NRXN1: variants seen among roughly 807,000 people sequenced by gnomAD.
The protein encoded by NRXN1 is neurexin-1.
A neutral mutation model predicts 150.9 loss-of-function variants in NRXN1; 39 were observed. The observed-to-expected ratio is 0.26, with a 90% CI of 0.20 to 0.34. The LOEUF (loss-of-function observed/expected upper bound fraction) is 0.34, where lower values mean the gene tolerates loss of function less well. NRXN1 is among the 10% of genes least tolerant of loss of function. NRXN1 has a pLI of 1.00. For missense variants in NRXN1, 1,815 were observed against 1,949.9 expected, an observed-to-expected ratio of 0.93 and a Z score of 1.30; for synonymous variants, 924 against 757.0, an observed-to-expected ratio of 1.22 and a Z score of -3.62.
intron 14 of NRXN1, 54 bp downstream of exon 14, chr2:50,497,279 A>G (rs1328167368): frequency 2.9e-6 from 4 of 1,379,710 alleles, no homozygotes; most frequent in Admixed American, 2.5e-5. Flanking sequence ...TTGGAAATTG[A>G]CGTCCATTTT....
intron 19 of NRXN1, among the ~76,000 whole-genome samples, chr2:50,069,166 A>G (rs1695824335): frequency 6.6e-6 from 1 of 152,222 alleles, no homozygotes; most frequent in African/African-American, 2.4e-5. Flanking sequence ...TCTTAAAATG[A>G]CATTTTAATC....
At chr2:50,274,774 T>C (rs1343659623) in intron 17 of NRXN1, among the ~76,000 whole-genome samples, 37 of 151,296 alleles carry the variant, frequency 2.4e-4, no homozygotes, top group Non-Finnish European at 7.4e-5. Context: ...AAAATGCCTT[T>C]CAACTACTTA....
chr2:49,947,676 T>C (rs1200814221), intron 21 of NRXN1, among the ~76,000 whole-genome samples: 1 of 151,786 alleles, frequency 6.6e-6, no homozygotes, highest in African/African-American at 2.4e-5. Flanking sequence ...TATTATAAAA[T>C]ACACATGACA....
At chr2:50,315,672 A>G (rs2075542061) in intron 17 of NRXN1, among the ~76,000 whole-genome samples, 3 of 152,132 alleles carry the variant, frequency 2.0e-5, no homozygotes, top group Admixed American at 2.0e-4. Flanking sequence ...TAAGTTTCTC[A>G]TAGAATTAAT....
At chr2:50,048,766 A>G (rs558898069) in intron 21 of NRXN1, among the ~76,000 whole-genome samples, 1 of 152,292 alleles carries the variant, frequency 6.6e-6, no homozygotes, top group Non-Finnish European at 1.5e-5. Context: ...TGAACTCTCA[A>G]TAGTTCCTTT....
chr2:50,841,453 A>C (rs1202285628), intron 5 of NRXN1, among the ~76,000 whole-genome samples: 1 of 152,192 alleles, frequency 6.6e-6, no homozygotes, highest in Non-Finnish European at 1.5e-5. Context: ...GAATCCAGAC[A>C]AGCAAAGGCC....
At chr2:50,072,359 G>A (rs954077606) in intron 19 of NRXN1, among the ~76,000 whole-genome samples, 3 of 151,896 alleles carry the variant, frequency 2.0e-5, no homozygotes, top group Admixed American at 6.6e-5. Flanking sequence ...GATTACATGC[G>A]GTGACATTGT....
chr2:50,018,077 G>A (rs1686943697), intron 21 of NRXN1, among the ~76,000 whole-genome samples: 1 of 152,086 alleles, frequency 6.6e-6, no homozygotes, highest in East Asian at 1.9e-4. Flanking sequence ...CCCTGGTGTA[G>A]GGAGGCATCC....
At chr2:50,282,962 G>A (rs1323573612) in intron 17 of NRXN1, among the ~76,000 whole-genome samples, 1 of 152,086 alleles carries the variant, frequency 6.6e-6, no homozygotes, top group Non-Finnish European at 1.5e-5. Context: ...TTTTACCATG[G>A]ATACTTGCTT....
At chr2:50,418,445 T>G (rs1161368264) in intron 17 of NRXN1, among the ~76,000 whole-genome samples, 1 of 152,074 alleles carries the variant, frequency 6.6e-6, no homozygotes, top group African/African-American at 2.4e-5. Flanking sequence ...ATCTAACAAT[T>G]GTAAAATCTC....
intron 5 of NRXN1, chr2:50,919,804 A>C (rs770169233): frequency 1.2e-5 from 2 of 160,834 alleles, no homozygotes; most frequent in Non-Finnish European, 2.8e-5. Context: ...GGATATTCAC[A>C]TAAGACAGAC....
At chr2:49,969,420 A>G (rs957758204) in intron 21 of NRXN1, among the ~76,000 whole-genome samples, 5 of 152,096 alleles carry the variant, frequency 3.3e-5, no homozygotes, top group African/African-American at 7.2e-5. Context: ...AAGGCTGTAC[A>G]TATGCAACTT....
chr2:50,833,501 T>G (rs1055618429), intron 5 of NRXN1, among the ~76,000 whole-genome samples: 8 of 152,206 alleles, frequency 5.3e-5, no homozygotes, highest in Non-Finnish European at 7.3e-5. Flanking sequence ...CAGAGAGAAC[T>G]TGCATATATC....
intron 17 of NRXN1, among the ~76,000 whole-genome samples, chr2:50,434,159 G>T (rs531332644): frequency 6.9e-6 from 1 of 145,042 alleles, no homozygotes; most frequent in Non-Finnish European, 1.5e-5. Context: ...TCCCGGGTTC[G>T]CGCCACTCTC....
At chr2:50,295,921 G>C (rs7592085) in intron 17 of NRXN1, among the ~76,000 whole-genome samples, 31,905 of 152,116 alleles carry the variant, frequency 0.21, 3,716 homozygotes, top group East Asian at 0.41. Context: ...GTTTATTACA[G>C]TAATTTCCCT....
chr2:50,939,939 A>T (rs1250434913), intron 2 of NRXN1, among the ~76,000 whole-genome samples: 1 of 152,188 alleles, frequency 6.6e-6, no homozygotes, highest in Non-Finnish European at 1.5e-5. Flanking sequence ...TGTCAATTAA[A>T]TTTTTAAGAA....
chr2:50,490,131 A>C (rs2091163430), intron 15 of NRXN1, among the ~76,000 whole-genome samples: 1 of 152,158 alleles, frequency 6.6e-6, no homozygotes, highest in Non-Finnish European at 1.5e-5. Flanking sequence ...ATTTCTACAT[A>C]CTCAGAAACT....
At chr2:50,602,257 A>G (rs1676397275) in intron 8 of NRXN1, among the ~76,000 whole-genome samples, 1 of 152,156 alleles carries the variant, frequency 6.6e-6, no homozygotes, top group South Asian at 2.1e-4. Flanking sequence ...CAGGACCAAA[A>G]CAAAACAAAA....
Position 50,682,583 on chromosome 2 carries a change from G to C in NRXN1, c.833-58968C>G, listed in dbSNP as rs960930299. ...ACTATATTTAGCGATGTTATAGCTT[G>C]GGGTCAGTTCAGAAGCAGAAAGGGT... On this transcript the variant is annotated intron_variant, in intron 5 of 22. Coordinates refer to ENST00000401669, the MANE Select transcript of NRXN1 (RefSeq NM_001330078.2). 2.0e-5 allele frequency among the ~76,000 whole-genome samples: 3 copies of C among 152,124 alleles called. No homozygotes were observed. In the East Asian group the frequency reaches 5.8e-4, roughly 29 times the overall value.
Sources: allele counts gnomAD v4.1 joint callset (sites outside exome capture counted in the v4.1 genomes callset), GRCh38; gene constraint gnomAD v4.1.1; transcripts MANE v1.5; gene names NCBI Gene and HGNC (gene_info 2026-07-23, HGNC 2026-07-21).